The following ADAMTSL1 variants were observed in gnomAD, a reference collection of about 807,000 sequenced individuals.
ADAMTSL1 encodes the protein ADAMTS-like protein 1.
ADAMTSL1 carries 126 observed loss-of-function variants against 201.8 expected under a neutral mutation model. The observed-to-expected ratio is 0.62, with a 90% CI of 0.54 to 0.72. The LOEUF (loss-of-function observed/expected upper bound fraction) is 0.72, where lower values mean the gene tolerates loss of function less well. Among genes scored for constraint, ADAMTSL1 ranks in the 30% least tolerant of loss-of-function variants. The probability of loss-of-function intolerance (pLI) is 0.00; values close to 1 mark genes in which losing one functional copy is unlikely to be tolerated. For synonymous variants in ADAMTSL1, 1,121 were observed against 903.4 expected, an observed-to-expected ratio of 1.24 and a Z score of -4.32; for missense variants, 2,679 against 2,277.8, an observed-to-expected ratio of 1.18 and a Z score of -3.59.
chr9:18,652,656 C>A (rs1385622640), intron 7 of ADAMTSL1, among the ~76,000 whole-genome samples: 1 of 152,110 alleles, frequency 6.6e-6, no homozygotes, highest in African/African-American at 2.4e-5. Context: ...CCAATTGTAG[C>A]CCAGCACATT....
chr9:18,879,186 T>C (rs1588293621), intron 23 of ADAMTSL1, among the ~76,000 whole-genome samples: 1 of 152,328 alleles, frequency 6.6e-6, no homozygotes, highest in East Asian at 1.9e-4. Flanking sequence ...AGAATGAATT[T>C]GAGATGATGT....
chr9:18,470,536 G>T (rs533621970), upstream of ADAMTSL1, among the ~76,000 whole-genome samples: 1 of 152,186 alleles, frequency 6.6e-6, no homozygotes, highest in African/African-American at 2.4e-5. Context: ...GCCCTGCCTA[G>T]CTCTTGAAAT....
intron 3 of ADAMTSL1, among the ~76,000 whole-genome samples, chr9:18,561,344 G>C (rs1821483429): frequency 6.6e-6 from 1 of 152,158 alleles, no homozygotes; most frequent in Non-Finnish European, 1.5e-5. Context: ...GTGCAGTTTT[G>C]AGTGAGTTTC....
intron 2 of ADAMTSL1, among the ~76,000 whole-genome samples, chr9:18,357,012 G>C (rs1836278265): frequency 6.6e-6 from 1 of 152,124 alleles, no homozygotes; most frequent in Non-Finnish European, 1.5e-5. Context: ...ACGTATTAAA[G>C]AATACTGTCA....
chr9:18,371,309 T>C (rs945526393), intron 2 of ADAMTSL1, among the ~76,000 whole-genome samples: 1 of 152,196 alleles, frequency 6.6e-6, no homozygotes, highest in Non-Finnish European at 1.5e-5. Flanking sequence ...ATTAGAATAA[T>C]ACATTCTGAT....
In ADAMTSL1 at chr9:18,795,422, T is replaced by A. The variant is rs879086105; in HGVS notation, c.3703T>A (p.Leu1235Ile). Residue 1235 changes from leucine (L) to isoleucine (I), a missense_variant, in exon 20 of 29, where the codon TTA (leucine) becomes ATA (isoleucine). Coordinates refer to ENST00000380548, the MANE Select transcript of ADAMTSL1 (RefSeq NM_001040272.6). The part of the protein sequence containing the change: ...DRILLQPDDS[L>I]QILAPVEADV... ...GATTCTTCTACAGCCAGATGATTCC[T>A]TACAGATCTTGGCACCAGTGGAAGC... 6.2e-7 allele frequency: 1 copy of A among 1,613,900 alleles called. No individual in the cohort carries two copies. Among genetic ancestry groups the A allele is most frequent in the South Asian group, 1.1e-5 (1 of 91,082 alleles).
In ADAMTSL1 at chr9:18,777,277, C is replaced by A; in HGVS notation, c.3048C>A (p.Asn1016Lys). 1 of 1,608,446 alleles carries A rather than the reference C, an allele frequency of 6.2e-7. No homozygotes were observed. Among genetic ancestry groups the A allele is most frequent in the East Asian group, 2.2e-5 (1 of 44,750 alleles). ...CGGAGAAGCGGGGCCTGGCCGCCAA[C>A]CCGGGGAGCCGCTACGACGACCTCG... ...SKAEKRGLAA[N>K]PGSRYDDLVS... Residue 1016 changes from asparagine (N) to lysine (K), a missense_variant, in exon 19 of 29, where the codon AAC (asparagine) becomes AAA (lysine). By Grantham distance (94) the Asn-to-Lys change is moderately conservative. Coordinates refer to ENST00000380548, the MANE Select transcript of ADAMTSL1 (RefSeq NM_001040272.6).
At chr9:18,512,294 C>G (rs1040887982) in intron 2 of ADAMTSL1, among the ~76,000 whole-genome samples, 1 of 152,052 alleles carries the variant, frequency 6.6e-6, no homozygotes, top group Non-Finnish European at 1.5e-5. Context: ...AGGCCAATGA[C>G]TGAATGTTTA....
chr9:18,878,177 C>A (rs1358495453), intron 23 of ADAMTSL1, among the ~76,000 whole-genome samples: 1 of 152,216 alleles, frequency 6.6e-6, no homozygotes, highest in African/African-American at 2.4e-5. Context: ...GGGCTGAGAA[C>A]TTGGCCCAGG....
chr9:18,637,950 T>C (rs1365769961), intron 6 of ADAMTSL1, among the ~76,000 whole-genome samples: 2 of 152,148 alleles, frequency 1.3e-5, no homozygotes, highest in Non-Finnish European at 2.9e-5. Context: ...AGTTAATTGA[T>C]GTCCTAGAAA....
chr9:18,581,986 G>A (rs1823128369), intron 4 of ADAMTSL1, among the ~76,000 whole-genome samples: 1 of 152,174 alleles, frequency 6.6e-6, no homozygotes, highest in Non-Finnish European at 1.5e-5. Flanking sequence ...CAGTATTTCT[G>A]CTGGTATGAA....
intron 1 of ADAMTSL1, among the ~76,000 whole-genome samples, chr9:18,154,931 G>A (rs1361024510): frequency 6.6e-6 from 1 of 151,968 alleles, no homozygotes; most frequent in Non-Finnish European, 1.5e-5. Context: ...CATTTCTCCT[G>A]ATTTTGTGTA....
chr9:17,942,151 G>A (rs1431268690), intron 1 of ADAMTSL1, among the ~76,000 whole-genome samples: 7 of 152,106 alleles, frequency 4.6e-5, no homozygotes. Flanking sequence ...CCAGAGGCAG[G>A]GGGATAGAGA....
At chr9:17,967,944 C>A (rs915786310) in intron 1 of ADAMTSL1, among the ~76,000 whole-genome samples, 1 of 152,146 alleles carries the variant, frequency 6.6e-6, no homozygotes, top group Non-Finnish European at 1.5e-5. Flanking sequence ...TTGCTCTTGG[C>A]CTTGCTCACT....
intron 21 of ADAMTSL1, among the ~76,000 whole-genome samples, chr9:18,817,906 A>T (rs1345950826): frequency 6.6e-6 from 1 of 152,160 alleles, no homozygotes; most frequent in African/African-American, 2.4e-5. Context: ...TTATTAGAGA[A>T]GATAGCCAGT....
chr9:18,182,350 T>C (rs1237208470), intron 2 of ADAMTSL1, among the ~76,000 whole-genome samples: 1 of 152,180 alleles, frequency 6.6e-6, no homozygotes, highest in African/African-American at 2.4e-5. Flanking sequence ...AACTACTTAA[T>C]TGTATACCCT....
intron 2 of ADAMTSL1, among the ~76,000 whole-genome samples, chr9:18,180,141 C>G (rs1236811672): frequency 6.6e-6 from 1 of 152,112 alleles, no homozygotes; most frequent in Non-Finnish European, 1.5e-5. Flanking sequence ...ATCTCACGTG[C>G]AGAGACACAC....
At chr9:18,844,972 C>G (rs1000694184) in intron 23 of ADAMTSL1, among the ~76,000 whole-genome samples, 17 of 152,346 alleles carry the variant, frequency 1.1e-4, no homozygotes, top group Non-Finnish European at 2.2e-4. Flanking sequence ...AAGGGAACTC[C>G]CTGACCCCTT....
intron 20 of ADAMTSL1, among the ~76,000 whole-genome samples, chr9:18,813,559 C>T (rs1823645501): frequency 6.6e-6 from 1 of 152,016 alleles, no homozygotes; most frequent in African/African-American, 2.4e-5. Context: ...TAAATTTGTT[C>T]CTAAGGGGTT....
Sources: gnomAD v4.1 joint callset for allele counts (sites outside exome capture counted in the v4.1 genomes callset) on GRCh38, gnomAD v4.1.1 for gene constraint, MANE v1.5 for transcripts, NCBI Gene and HGNC (gene_info 2026-07-23, HGNC 2026-07-21) for gene names.